The following DOCK4 variants were observed in gnomAD, a reference collection of about 807,000 sequenced individuals.
DOCK4 encodes dedicator of cytokinesis protein 4.
A neutral mutation model predicts 268.1 loss-of-function variants in DOCK4; 97 were observed. The observed-to-expected ratio is 0.36, with a 90% confidence interval of 0.31 to 0.43. The LOEUF is 0.43. Ranked by LOEUF, DOCK4 falls within the 20% of genes least tolerant of loss-of-function variation. DOCK4 has a pLI of 1.00. For missense variants in DOCK4, 2,145 were observed against 2,455.7 expected (o/e 0.87, Z 2.67); for synonymous variants, 954 against 887.2 (o/e 1.08, Z -1.34).
intron 12 of DOCK4, among the ~76,000 whole-genome samples, chr7:111,916,681 T>C (rs1792611716): frequency 6.6e-6 from 1 of 152,206 alleles, no homozygotes; most frequent in Non-Finnish European, 1.5e-5. Context: ...CAGAAAACTT[T>C]AATGTCATAT....
chr7:111,895,795 G>T, intron 15 of DOCK4, 77 bp from the exon 16 acceptor site: 1 of 1,373,666 alleles, frequency 7.3e-7, no homozygotes, highest in Non-Finnish European at 1.0e-6. Flanking sequence ...CATAATCATC[G>T]AGAAATATAA....
At chr7:112,070,898 G>A (rs760969631) in intron 1 of DOCK4, among the ~76,000 whole-genome samples, 1 of 152,182 alleles carries the variant, frequency 6.6e-6, no homozygotes, top group Non-Finnish European at 1.5e-5. Context: ...TCGTGTACAT[G>A]GCTGGGTTGA....
chr7:111,818,724 T>C (rs1801754292), intron 27 of DOCK4, among the ~76,000 whole-genome samples: 1 of 152,212 alleles, frequency 6.6e-6, no homozygotes, highest in Non-Finnish European at 1.5e-5. Flanking sequence ...ACTGGTTCCT[T>C]CCCTCCCCAC....
intron 1 of DOCK4, among the ~76,000 whole-genome samples, chr7:112,167,397 A>G (rs915461033): frequency 2.0e-5 from 3 of 152,134 alleles, no homozygotes; most frequent in East Asian, 1.9e-4. Flanking sequence ...TGACTCCCCA[A>G]TGCACAGCTG....
chr7:111,974,375 T>A (rs1797970236), intron 8 of DOCK4, among the ~76,000 whole-genome samples: 1 of 151,936 alleles, frequency 6.6e-6, no homozygotes, highest in Admixed American at 6.6e-5. Flanking sequence ...TTATGGTGAT[T>A]GTGAGTTTGA....
chr7:112,170,068 A>G (rs922829259), intron 1 of DOCK4, among the ~76,000 whole-genome samples: 6 of 151,906 alleles, frequency 3.9e-5, no homozygotes, highest in Admixed American at 3.3e-4. Flanking sequence ...GAAAGAGGAA[A>G]GAGGCTGCAA....
intron 1 of DOCK4, among the ~76,000 whole-genome samples, chr7:112,170,002 C>A (rs1245612869): frequency 1.3e-5 from 2 of 152,088 alleles, no homozygotes; most frequent in East Asian, 1.9e-4. Context: ...TTTTACACAA[C>A]CCCTGTAAGT....
At position 111,877,155 on chromosome 7, in the gene DOCK4, G is replaced by A; in HGVS notation, c.1619C>T (p.Thr540Ile). The change falls in exon 17 of 53, where the codon ACC becomes ATC. Residue 540 changes from threonine (T) to isoleucine (I), a missense_variant. Physicochemically the swap from Thr to Ile is moderately conservative, Grantham distance 89. This residue lies in a region of DOCK4 where 1,598 missense variants were observed against 1,986.7 expected (regional missense o/e 0.80). Transcript: ENST00000428084. ...GGAAAAGGGAAGTTTGAGGTAGCGGGTAGTATCCTGAAGATTTGTGTTTTC... is the reference window on the plus strand; with the variant it reads ...GGAAAAGGGAAGTTTGAGGTAGCGGATAGTATCCTGAAGATTTGTGTTTTC... The part of the protein sequence containing the change: ...CEENTNLQDT[T>I]RYLKLPFSKG... The A allele has an allele frequency of 1.3e-6, 2 of 1,566,468 alleles. No homozygotes were observed.
chr7:111,730,713 G>C (rs1795024938), intron 52 of DOCK4, among the ~76,000 whole-genome samples: 1 of 152,016 alleles, frequency 6.6e-6, no homozygotes, highest in African/African-American at 2.4e-5. Flanking sequence ...TGGTAGCAGT[G>C]TGCCCCCTAA....
chr7:112,156,311 G>A (rs776064403), intron 1 of DOCK4, among the ~76,000 whole-genome samples: 5 of 152,194 alleles, frequency 3.3e-5, no homozygotes, highest in Non-Finnish European at 5.9e-5. Context: ...AGAACTTAGC[G>A]GCCAATTATG....
chr7:111,875,151 C>A (rs919224873), intron 17 of DOCK4, among the ~76,000 whole-genome samples: 1 of 152,134 alleles, frequency 6.6e-6, no homozygotes, highest in African/African-American at 2.4e-5. Flanking sequence ...TTAATCAAAG[C>A]CAAAATAATA....
At chr7:111,747,238 T>C (rs766313582) in intron 43 of DOCK4, 29 bp downstream of exon 43, 1 of 1,590,820 alleles carries the variant, frequency 6.3e-7, no homozygotes, top group Non-Finnish European at 8.6e-7. Context: ...TTGAAAACTT[T>C]CTCTGAAACA....
intron 1 of DOCK4, among the ~76,000 whole-genome samples, chr7:112,120,954 T>C (rs1812675150): frequency 6.6e-6 from 1 of 152,096 alleles, no homozygotes; most frequent in Admixed American, 6.5e-5. Context: ...ACCTTTAAAT[T>C]TTTCATTCTT....
In DOCK4 at chr7:111,741,127, T is replaced by G. The variant is rs1795888447; in HGVS notation, c.5007A>C (p.Gln1669His). 1 of 1,613,966 alleles carries G rather than the reference T, an allele frequency of 6.2e-7. No individual in the cohort carries two copies. The highest frequency in any genetic ancestry group is 2.2e-5 in the East Asian group (1 of 44,888). Residue 1669 changes from glutamine to histidine, a missense_variant, in exon 47 of 53, where the codon CAA becomes CAC. Transcript: ENST00000428084. ...ASAEVSNITG[Q>H]SESSDEVFNM... Reference sequence around the variant, plus strand: ...TAAAGACTTCATCAGAGCTTTCTGATTGCCCTGTAATATTGCTTACTTCAG... The same window carrying G: ...TAAAGACTTCATCAGAGCTTTCTGAGTGCCCTGTAATATTGCTTACTTCAG...
rs144742994 is a variant in DOCK4 at position 111,904,735 on chromosome 7, T to C, written c.1193-2934A>G. On this transcript the variant is annotated intron_variant, in intron 13 of 52. Transcript: ENST00000428084. Reference sequence around the variant, plus strand: ...TGCTATGGTGTGTGACATCAGTCTATACAGGGTATTAGAAACCTCTGGGTC... The same window carrying C: ...TGCTATGGTGTGTGACATCAGTCTACACAGGGTATTAGAAACCTCTGGGTC... Among the ~76,000 whole-genome samples the C allele has an allele frequency of 5.9e-5, 9 of 152,286 alleles. No individual in the cohort carries two copies. In the East Asian group the frequency reaches 7.7e-4, roughly 13 times the overall value.
intron 25 of DOCK4, among the ~76,000 whole-genome samples, chr7:111,844,520 A>G (rs754456461): frequency 6.6e-6 from 1 of 152,246 alleles, no homozygotes; most frequent in African/African-American, 2.4e-5. Flanking sequence ...TAAACCGGGC[A>G]TGGTATGACT....
chr7:111,919,983 A>G (rs1208707478), intron 12 of DOCK4, among the ~76,000 whole-genome samples: 1 of 152,242 alleles, frequency 6.6e-6, no homozygotes, highest in Non-Finnish European at 1.5e-5. Context: ...CCACCAGAAC[A>G]GTAAGAAACA....
Position 112,185,491 on chromosome 7 carries a change from G to A in DOCK4, c.37+20611C>T, listed in dbSNP as rs544680474. 5.4e-4 allele frequency among the ~76,000 whole-genome samples: 82 copies of A among 152,134 alleles called. 2 individuals are homozygous for A. The highest frequency in any genetic ancestry group is 1.1e-3 in the Non-Finnish European group (74 of 67,990). ...GAAAGCATCCAAACAGGAAAAAGTG[G>A]AATAGGGTAGTATTCTACAAACAGG... is the stretch of plus-strand genomic sequence containing the variant. On this transcript the variant is annotated intron_variant, in intron 1 of 52. Transcript: ENST00000428084.
chr7:112,006,039 T>G (rs867646439), intron 1 of DOCK4, among the ~76,000 whole-genome samples: 1 of 152,198 alleles, frequency 6.6e-6, no homozygotes, highest in Non-Finnish European at 1.5e-5. Context: ...CTCCACACCT[T>G]CTTTCTTAGC....
Sources: allele counts gnomAD v4.1 joint callset (sites outside exome capture counted in the v4.1 genomes callset), GRCh38; gene constraint gnomAD v4.1.1; regional missense constraint gnomAD v4.1.1; transcripts MANE v1.5; gene names NCBI Gene and HGNC (gene_info 2026-07-23, HGNC 2026-07-21).